The following GALNT13 variants were observed in gnomAD, a reference collection of about 807,000 sequenced individuals.
GALNT13 encodes polypeptide N-acetylgalactosaminyltransferase 13.
A neutral mutation model predicts 64.2 loss-of-function variants in GALNT13; 28 were observed. The observed-to-expected ratio is 0.44, with a 90% confidence interval of 0.32 to 0.60. GALNT13 has a LOEUF of 0.60. Among genes scored for constraint, GALNT13 ranks in the 20% least tolerant of loss-of-function variants. The pLI is 0.05. For missense variants in GALNT13, 577 were observed against 669.8 expected, an observed-to-expected ratio of 0.86 and a Z score of 1.53; for synonymous variants, 214 against 224.6, an observed-to-expected ratio of 0.95 and a Z score of 0.42.
At chr2:153,342,976 T>C in the GALNT13 span, among the ~76,000 whole-genome samples, 60,119 of 151,996 alleles carry the variant, frequency 0.4, 12,475 homozygotes, top group Non-Finnish European at 0.45. Context: ...AGGGAAAGAC[T>C]AAATAAAAAG....
intron 1 of GALNT13, among the ~76,000 whole-genome samples, chr2:153,897,336 T>C (rs749960024): frequency 2.0e-5 from 3 of 152,114 alleles, no homozygotes; most frequent in Admixed American, 6.6e-5. Context: ...AGATCAGATA[T>C]GGAGCGCAAT....
intron 11 of GALNT13, among the ~76,000 whole-genome samples, chr2:154,416,527 A>G (rs949035010): frequency 1.3e-5 from 2 of 152,112 alleles, no homozygotes; most frequent in Admixed American, 6.6e-5. Flanking sequence ...AACAAATGAT[A>G]ATTTCAGTCA....
At chr2:153,615,064 C>G in the GALNT13 span, among the ~76,000 whole-genome samples, 2 of 152,070 alleles carry the variant, frequency 1.3e-5, no homozygotes, top group African/African-American at 2.4e-5. Flanking sequence ...ATCCTTCTAC[C>G]CTCTATCTCC....
chr2:153,628,104 T>C, the GALNT13 span, among the ~76,000 whole-genome samples: 10 of 152,160 alleles, frequency 6.6e-5, no homozygotes, highest in African/African-American at 2.4e-4. Flanking sequence ...TTATTCTCTT[T>C]GAAGCAATTG....
At chr2:153,083,427 G>C in the GALNT13 span, among the ~76,000 whole-genome samples, 1 of 151,988 alleles carries the variant, frequency 6.6e-6, no homozygotes, top group African/African-American at 2.4e-5. Context: ...TTAAATTATG[G>C]CTATTCTTGC....
chr2:153,354,306 C>A, the GALNT13 span: 1 of 152,292 alleles, frequency 6.6e-6, no homozygotes, highest in Non-Finnish European at 1.5e-5. Context: ...AAGTGGAGAT[C>A]TTTTTCCCTT....
chr2:153,133,751 TG>T, the GALNT13 span, among the ~76,000 whole-genome samples: 2 of 151,826 alleles, frequency 1.3e-5, no homozygotes, highest in Non-Finnish European at 2.9e-5. Context: ...CCCTAATAAA[TG>T]TCATCAAGTC....
intron 9 of GALNT13, among the ~76,000 whole-genome samples, chr2:154,375,594 A>C (rs1224003424): frequency 2.0e-5 from 3 of 152,140 alleles, no homozygotes; most frequent in African/African-American, 4.8e-5. Flanking sequence ...GAAGACAAAC[A>C]AACCCACGCA....
the GALNT13 span, among the ~76,000 whole-genome samples, chr2:153,464,983 T>C: frequency 6.6e-6 from 1 of 152,208 alleles, no homozygotes; most frequent in Admixed American, 6.5e-5. Flanking sequence ...GGCAACACAG[T>C]AGTATGAATT....
the GALNT13 span, among the ~76,000 whole-genome samples, chr2:153,267,502 T>C: frequency 1.3e-5 from 2 of 152,212 alleles, no homozygotes. Flanking sequence ...GGATTGGGGC[T>C]TGCACCCTCT....
the GALNT13 span, among the ~76,000 whole-genome samples, chr2:153,545,890 G>T: frequency 6.6e-6 from 1 of 152,222 alleles, no homozygotes; most frequent in Non-Finnish European, 1.5e-5. Flanking sequence ...TCAGGGCAAA[G>T]TACGTGGATC....
the GALNT13 span, among the ~76,000 whole-genome samples, chr2:153,586,306 G>A: frequency 6.6e-6 from 1 of 152,114 alleles, no homozygotes; most frequent in South Asian, 2.1e-4. Context: ...ACAAGAAACT[G>A]ATCTTGTCTA....
chr2:154,178,586 G>A (rs1489530094), intron 4 of GALNT13, among the ~76,000 whole-genome samples: 1 of 151,550 alleles, frequency 6.6e-6, no homozygotes, highest in Non-Finnish European at 1.5e-5. Context: ...TAATAATAAT[G>A]TCTTCCTCTC....
At chr2:153,599,989 G>A in the GALNT13 span, among the ~76,000 whole-genome samples, 1 of 152,006 alleles carries the variant, frequency 6.6e-6, no homozygotes, top group African/African-American at 2.4e-5. Flanking sequence ...CTGACTTCAT[G>A]CAAACATTCA....
the GALNT13 span, among the ~76,000 whole-genome samples, chr2:153,435,953 T>A: frequency 6.6e-6 from 1 of 152,176 alleles, no homozygotes; most frequent in Non-Finnish European, 1.5e-5. Flanking sequence ...AGTATGATAT[T>A]GGCTGTGGGT....
At chr2:153,826,308 T>G in the GALNT13 span, among the ~76,000 whole-genome samples, 1 of 152,174 alleles carries the variant, frequency 6.6e-6, no homozygotes, top group African/African-American at 2.4e-5. Flanking sequence ...AAGCCATTAT[T>G]AAGCCAGTAA....
intron 9 of GALNT13, among the ~76,000 whole-genome samples, chr2:154,326,662 T>G (rs777072039): frequency 5.3e-5 from 8 of 152,146 alleles, no homozygotes; most frequent in Non-Finnish European, 1.0e-4. Flanking sequence ...GATCTCTACT[T>G]CTAATAAGCC....
the GALNT13 span, among the ~76,000 whole-genome samples, chr2:153,480,962 C>T: frequency 1.3e-5 from 2 of 152,242 alleles, no homozygotes; most frequent in Non-Finnish European, 1.5e-5. Flanking sequence ...TTGCTAGGAA[C>T]AGTATTGCTG....
chr2:153,435,806 G>T, the GALNT13 span, among the ~76,000 whole-genome samples: 1 of 151,846 alleles, frequency 6.6e-6, no homozygotes, highest in African/African-American at 2.4e-5. Flanking sequence ...TTTCCTAATT[G>T]AATACCCTTT....
Sources: allele counts gnomAD v4.1 joint callset (sites outside exome capture counted in the v4.1 genomes callset), GRCh38; gene constraint gnomAD v4.1.1; transcripts MANE v1.5; gene names NCBI Gene and HGNC (gene_info 2026-07-23, HGNC 2026-07-21).